Variants in KREMEN1 observed in about 807,000 individuals in gnomAD.
KREMEN1 encodes the protein kremen protein 1.
A neutral mutation model predicts 46.5 loss-of-function variants in KREMEN1; 30 were observed. That is an observed-to-expected ratio of 0.65 (90% CI 0.48 to 0.88). The LOEUF (loss-of-function observed/expected upper bound fraction) is 0.88. Among genes scored for constraint, KREMEN1 ranks in the 40% least tolerant of loss-of-function variants. The pLI, the probability that KREMEN1 is intolerant of heterozygous loss-of-function variation, is 0.00. For synonymous variants in KREMEN1, 214 were observed against 230.6 expected (o/e 0.93, Z 0.65); for missense variants, 533 against 596.9 (o/e 0.89, Z 1.11).
At chr22:29,086,693 T>G (rs1046564018) in intron 1 of KREMEN1, among the ~76,000 whole-genome samples, 6 of 152,182 alleles carry the variant, frequency 3.9e-5, no homozygotes, top group African/African-American at 1.4e-4. Flanking sequence ...CAGTCCGTAT[T>G]TGAAACCCAA....
At chr22:29,106,129 C>T (rs1025582760) in intron 3 of KREMEN1, among the ~76,000 whole-genome samples, 3 of 152,036 alleles carry the variant, frequency 2.0e-5, no homozygotes, top group Non-Finnish European at 4.4e-5. Flanking sequence ...TCAGCACTTT[C>T]TGTGTTTTAA....
At chr22:29,116,182 A>G (rs1285219663) in intron 3 of KREMEN1, among the ~76,000 whole-genome samples, 1 of 152,224 alleles carries the variant, frequency 6.6e-6, no homozygotes, top group Non-Finnish European at 1.5e-5. Context: ...TACTGCAAAG[A>G]TTATTCTGGT....
Position 29,145,260 on chromosome 22 carries a change from T to C in KREMEN1, c.*3148T>C, listed in dbSNP as rs1156538022. 1.0e-6 allele frequency: 1 copy of C among 985,430 alleles called. No individual in the cohort carries two copies. Among genetic ancestry groups the C allele is most frequent in the African/African-American group, 1.7e-5 (1 of 57,208 alleles). 61.0% of individuals were successfully genotyped at this position (985,430 alleles called of 1,614,324 possible). A position where few individuals can be genotyped will look rare whatever the true frequency, so the allele number is the denominator to read the frequency against. On this transcript the variant is annotated 3_prime_UTR_variant, in exon 9 of 9. Transcript: ENST00000400335. The stretch of plus-strand genomic sequence containing the variant: ...TCCTTAGATGAGATAAAGTGGGGGT[T>C]GGAGGTGGCGAAAAGAGGGTAACCC...
rs1415520870 is a variant in KREMEN1 at position 29,145,141 on chromosome 22, G to A, written c.*3029G>A. On this transcript the variant is annotated 3_prime_UTR_variant, in exon 9 of 9. Coordinates refer to ENST00000400335, the MANE Select transcript of KREMEN1 (RefSeq NM_001039570.3). ...GCGACACCCCACAGAAGGCCACTGC[G>A]GCTAGGTAAACACCTGAGAAAGAAA... The A allele has an allele frequency of 1.4e-5, 14 of 986,020 alleles. No individual in the cohort carries two copies. Among genetic ancestry groups the A allele is most frequent in the Admixed American group, 6.1e-5 (1 of 16,292 alleles). The allele number at this position is 986,020 out of a possible 1,614,324, so 61.1% of individuals were successfully genotyped here.
chr22:29,146,062 C>G lies in KREMEN1; in HGVS notation c.*3950C>G, dbSNP rs561883165. 1.2e-5 allele frequency: 12 copies of G among 986,000 alleles called. No homozygotes were observed. The highest frequency in any genetic ancestry group is 4.7e-5 in the South Asian group (1 of 21,282). 61.1% of individuals were successfully genotyped at this position (986,000 alleles called of 1,614,324 possible). A position where few individuals can be genotyped will look rare whatever the true frequency, so the allele number is the denominator to read the frequency against. ...GGATGGCCTCCGAGACCCTGCCTCC[C>G]TGGTCTGCTGAGGTCAGGCCAGGTC... On this transcript the variant is annotated 3_prime_UTR_variant, in exon 9 of 9. Transcript: ENST00000400335.
At chr22:29,118,878 A>G (rs2038286420) in intron 3 of KREMEN1, among the ~76,000 whole-genome samples, 1 of 152,162 alleles carries the variant, frequency 6.6e-6, no homozygotes. Context: ...CAATTAAGTT[A>G]TGGCACTACC....
intron 3 of KREMEN1, among the ~76,000 whole-genome samples, chr22:29,105,463 G>GCA (rs1181636900): frequency 1.6e-3 from 178 of 112,932 alleles, no homozygotes; most frequent in Admixed American, 2.5e-3. Flanking sequence ...GTGCGTGTGC[G>GCA]CACACACACA....
chr22:29,146,731 A>G lies in KREMEN1; in HGVS notation c.*4619A>G. ...TATTTTTAGGGTTTTGTTATTTAAG[A>G]AAATGGAATGTAATGGTACTTTTAC... is the stretch of plus-strand genomic sequence containing the variant. On this transcript the variant is annotated 3_prime_UTR_variant, in exon 9 of 9. Transcript: ENST00000400335. The G allele has an allele frequency of 1.1e-6, 1 of 932,370 alleles. No homozygotes were observed. Among genetic ancestry groups the G allele is most frequent in the Non-Finnish European group, 1.3e-6 (1 of 781,336 alleles). 57.8% of individuals were successfully genotyped at this position (932,370 alleles called of 1,614,324 possible).
intron 9 of KREMEN1, among the ~76,000 whole-genome samples, chr22:29,152,531 G>A (rs772660361): frequency 3.3e-5 from 5 of 152,164 alleles, no homozygotes; most frequent in East Asian, 1.9e-4. Flanking sequence ...TGAGACGGGC[G>A]AGGCCTGCCC....
intron 3 of KREMEN1, chr22:29,099,339 T>G (rs2037937230): frequency 5.9e-6 from 1 of 168,408 alleles, no homozygotes. Flanking sequence ...TACTTATTAC[T>G]TGGATTTGAA....
In KREMEN1 at chr22:29,073,204, GC is replaced by G; in HGVS notation, c.78del (p.Gly27AlafsTer45). On this transcript the variant is annotated frameshift_variant, in exon 1 of 9. Transcript: ENST00000400335. LOFTEE classifies it high-confidence loss of function. The surrounding 1 kb of genome is among the most constrained non-coding windows in gnomAD (Gnocchi z 4.4). ...ACGCTGGCGGCCCGGCCCGCGCCTA[GC>G]CCCGGCCTCGGCCCCGGACCCGGTG... ...ALTLAARPAP[S>X]PGLGPGPECF... is the part of the protein sequence containing the mutation. The G allele has an allele frequency of 8.4e-7, 1 of 1,185,216 alleles. No homozygotes were observed. 73.4% of individuals were successfully genotyped at this position (1,185,216 alleles called of 1,614,324 possible).
chr22:29,127,347 G>A (rs1174526133), intron 5 of KREMEN1, among the ~76,000 whole-genome samples: 1 of 152,154 alleles, frequency 6.6e-6, no homozygotes, highest in Non-Finnish European at 1.5e-5. Context: ...TAAATAGAAT[G>A]CAGTGTCAAT....
At chr22:29,138,513 C>A in intron 6 of KREMEN1, 111 bp from the exon 7 acceptor site, 1 of 1,135,352 alleles carries the variant, frequency 8.8e-7, no homozygotes, top group Non-Finnish European at 1.3e-6. Context: ...AGGAATTGCA[C>A]CCAGAATTGA....
chr22:29,113,364 C>T (rs557349941), intron 3 of KREMEN1, among the ~76,000 whole-genome samples: 10 of 152,240 alleles, frequency 6.6e-5, no homozygotes, highest in African/African-American at 1.4e-4. Context: ...TTTTAATATC[C>T]GGAATCAAAC....
intron 1 of KREMEN1, among the ~76,000 whole-genome samples, chr22:29,088,342 T>G (rs2037760445): frequency 6.8e-6 from 1 of 147,756 alleles, no homozygotes; most frequent in African/African-American, 2.5e-5. Flanking sequence ...CACACACATA[T>G]TTTGAGATGG....
chr22:29,094,649 C>G (rs7286554), intron 2 of KREMEN1, among the ~76,000 whole-genome samples: 10,131 of 136,454 alleles, frequency 0.074, 671 homozygotes, highest in African/African-American at 0.15. Flanking sequence ...TTTGAGACGG[C>G]GTCTCGCTCT....
intron 2 of KREMEN1, 59 bp from the exon 3 acceptor site, chr22:29,098,803 C>A: frequency 7.9e-7 from 1 of 1,261,794 alleles, no homozygotes; most frequent in Non-Finnish European, 1.2e-6. Flanking sequence ...AACTGAAAAG[C>A]AATGAACCAG....
intron 2 of KREMEN1, 122 bp downstream of exon 2, chr22:29,094,542 G>T: frequency 6.0e-6 from 4 of 671,788 alleles, no homozygotes; most frequent in South Asian, 4.2e-5. Flanking sequence ...GACTTATCTT[G>T]TCAGTTTTAA....
intron 5 of KREMEN1, among the ~76,000 whole-genome samples, chr22:29,127,043 G>A (rs2038456082): frequency 6.6e-6 from 1 of 152,214 alleles, no homozygotes; most frequent in Admixed American, 6.5e-5. Flanking sequence ...TAACTCAGGA[G>A]AGTAAGTTTT....
Sources: allele counts gnomAD v4.1 joint callset (sites outside exome capture counted in the v4.1 genomes callset), GRCh38; gene constraint gnomAD v4.1.1; non-coding constraint Gnocchi (gnomAD v3.1); transcripts MANE v1.5; gene names NCBI Gene and HGNC (gene_info 2026-07-23, HGNC 2026-07-21).